MEGF11: variants seen among roughly 807,000 people sequenced by gnomAD.
The protein encoded by MEGF11 is multiple EGF like domains 11.
Under a neutral mutation model 146.6 loss-of-function variants are expected in MEGF11, and 126 were observed. That is an observed-to-expected ratio of 0.86 (90% confidence interval 0.74 to 1.00). The LOEUF (loss-of-function observed/expected upper bound fraction) is 1.00, where lower values mean the gene tolerates loss of function less well. Ranked by LOEUF, MEGF11 falls within the 50% of genes least tolerant of loss-of-function variation. The pLI is 0.00. For synonymous variants in MEGF11, 532 were observed against 583.4 expected (o/e 0.91, Z 1.27); for missense variants, 1,509 against 1,521.2 (o/e 0.99, Z 0.13).
At chr15:66,176,533 G>A (rs1023050264) in intron 1 of MEGF11, among the ~76,000 whole-genome samples, 1 of 152,158 alleles carries the variant, frequency 6.6e-6, no homozygotes, top group African/African-American at 2.4e-5. Flanking sequence ...CAGAGCCTCA[G>A]TCACACCAGT....
Position 66,014,095 on chromosome 15 carries a change from T to C in MEGF11, c.395-31607A>G, listed in dbSNP as rs192194768. ...ACAGAGGCCGTTAGAAGTTAGGCGATGGTCCAGGCACAAGCCAAGGAGACC... is the reference window on the plus strand; with the variant it reads ...ACAGAGGCCGTTAGAAGTTAGGCGACGGTCCAGGCACAAGCCAAGGAGACC... On this transcript the variant is annotated intron_variant, in intron 5 of 25. Transcript: ENST00000395614. Among the ~76,000 whole-genome samples the C allele has an allele frequency of 7.7e-3, 1,173 of 152,286 alleles. 5 individuals are homozygous for C. Among genetic ancestry groups the C allele is most frequent in the Admixed American group, 0.01 (157 of 15,300 alleles).
At chr15:65,911,865 GTT>G (rs2078822545) in intron 21 of MEGF11, among the ~76,000 whole-genome samples, 1 of 152,216 alleles carries the variant, frequency 6.6e-6, no homozygotes, top group African/African-American at 2.4e-5. Context: ...GATGCTGTGG[GTT>G]GGTTACACGG....
intron 5 of MEGF11, among the ~76,000 whole-genome samples, chr15:65,996,557 C>T (rs2082206795): frequency 6.6e-6 from 1 of 151,408 alleles, no homozygotes; most frequent in Non-Finnish European, 1.5e-5. Context: ...GCGATCTTGA[C>T]TCATTGCAAC....
chr15:66,176,539 C>T (rs1256968465), intron 1 of MEGF11, among the ~76,000 whole-genome samples: 1 of 152,182 alleles, frequency 6.6e-6, no homozygotes, highest in Non-Finnish European at 1.5e-5. Context: ...CTCAGTCACA[C>T]CAGTGACTCA....
chr15:66,235,155 G>C (rs77281054), intron 1 of MEGF11, among the ~76,000 whole-genome samples: 8 of 152,168 alleles, frequency 5.3e-5, no homozygotes, highest in Admixed American at 4.6e-4. Flanking sequence ...GGCGGGGAAG[G>C]TGCAGAGAAT....
At chr15:65,958,029 T>C (rs1427166432) in intron 9 of MEGF11, among the ~76,000 whole-genome samples, 1 of 152,174 alleles carries the variant, frequency 6.6e-6, no homozygotes, top group Non-Finnish European at 1.5e-5. Flanking sequence ...TTCAGACACA[T>C]GGAAACCAAA....
chr15:65,982,615 G>T lies in MEGF11; in HGVS notation c.395-127C>A. The T allele has an allele frequency of 8.5e-7, 1 of 1,178,982 alleles. No homozygotes were observed. The highest frequency in any genetic ancestry group is 1.1e-6 in the Non-Finnish European group (1 of 888,272). 73.0% of individuals were successfully genotyped at this position (1,178,982 alleles called of 1,614,324 possible). A position where few individuals can be genotyped will look rare whatever the true frequency, so the allele number is the denominator to read the frequency against. ...TGCTCCCCGGACAGGTGGCAGCAAG[G>T]GGTGCCTGGAAGCTTTGGTGCCTCA... On this transcript the variant is annotated intron_variant, in intron 5 of 25. Transcript: ENST00000395614. The surrounding 1 kb of genome is among the most constrained non-coding windows in gnomAD (Gnocchi z 5.6).
At chr15:66,168,840 T>C (rs906027164) in intron 1 of MEGF11, among the ~76,000 whole-genome samples, 1 of 152,064 alleles carries the variant, frequency 6.6e-6, no homozygotes, top group Non-Finnish European at 1.5e-5. Context: ...ATACAAAATT[T>C]AGCCGGGCGT....
At chr15:65,935,688 A>G (rs1408545719) in intron 10 of MEGF11, among the ~76,000 whole-genome samples, 1 of 152,210 alleles carries the variant, frequency 6.6e-6, no homozygotes, top group Admixed American at 6.5e-5. Flanking sequence ...TAAAGTGCAC[A>G]GCTCTGCCCT....
At position 65,895,412 on chromosome 15, in the gene MEGF11, C is replaced by G. The variant is rs902033560; in HGVS notation, c.*2522G>C. On this transcript the variant is annotated 3_prime_UTR_variant, in exon 26 of 26. Transcript: ENST00000395614. ...TTGCCGTTTCATAGTCTCATTAATA[C>G]CTCTGTACAATAATGGTTTTTCTTT... The G allele has an allele frequency of 2.0e-5, 3 of 152,582 alleles. No homozygotes were observed. The highest frequency in any genetic ancestry group is 7.2e-5 in the African/African-American group (3 of 41,414). 9.5% of individuals were successfully genotyped at this position (152,582 alleles called of 1,614,324 possible).
intron 1 of MEGF11, among the ~76,000 whole-genome samples, chr15:66,229,368 CAGCCGAATGG>C (rs2091918315): frequency 1.3e-5 from 2 of 152,110 alleles, no homozygotes; most frequent in Non-Finnish European, 2.9e-5. Context: ...GCACGTGTCC[CAGCCGAATGG>C]GGAGGCCACC....
At chr15:66,092,602 G>C (rs1056624742) in intron 5 of MEGF11, among the ~76,000 whole-genome samples, 1 of 152,160 alleles carries the variant, frequency 6.6e-6, no homozygotes, top group African/African-American at 2.4e-5. Flanking sequence ...GCCTAGTCCT[G>C]TTCATCAAAT....
intron 1 of MEGF11, among the ~76,000 whole-genome samples, chr15:66,178,866 A>G (rs904479398): frequency 2.0e-5 from 3 of 152,156 alleles, no homozygotes; most frequent in African/African-American, 7.2e-5. Flanking sequence ...ACATGCTTCA[A>G]CGGACTCCAA....
At chr15:66,141,283 TGTGTGTGAGA>T (rs1189679538) in intron 1 of MEGF11, among the ~76,000 whole-genome samples, 10 of 90,108 alleles carry the variant, frequency 1.1e-4, no homozygotes, top group African/African-American at 3.2e-4. Context: ...TGTGTGTGTG[TGTGTGTGAGA>T]GAGAGAGAGA....
At position 65,916,254 on chromosome 15, in the gene MEGF11, C is replaced by A; in HGVS notation, c.2238G>T (p.Gly746=). ...ACTGGCATACGCGCCCACAGTCCTT[C>A]CCAAAAAATGCTGCTGGGCAGCCTA... ...CTQRCPAAFF[G]KDCGRVCQCQ... is the part of the protein sequence containing the mutation. Residue 746 remains glycine, a synonymous_variant, in exon 18 of 26, where the codon GGG becomes GGT. Coordinates refer to ENST00000395614, the MANE Select transcript of MEGF11 (RefSeq NM_001385028.1). The A allele has an allele frequency of 1.7e-5, 27 of 1,557,320 alleles. No individual in the cohort carries two copies. The highest frequency in any genetic ancestry group is 2.3e-5 in the Non-Finnish European group (26 of 1,150,446).
chr15:66,055,148 G>GC (rs2084624773), intron 5 of MEGF11, among the ~76,000 whole-genome samples: 1 of 152,176 alleles, frequency 6.6e-6, no homozygotes. Context: ...AGTGCTCACT[G>GC]CCCTTAGACA....
intron 4 of MEGF11, among the ~76,000 whole-genome samples, chr15:66,113,204 T>C (rs1230424492): frequency 6.6e-6 from 1 of 152,038 alleles, no homozygotes; most frequent in Non-Finnish European, 1.5e-5. Flanking sequence ...TCGGACACCA[T>C]GTGCAGACCA....
intron 19 of MEGF11, among the ~76,000 whole-genome samples, chr15:65,914,403 C>T (rs1475879718): frequency 6.6e-6 from 1 of 152,186 alleles, no homozygotes; most frequent in East Asian, 1.9e-4. Context: ...CCTCTCCCTG[C>T]TTCCTAATTG....
chr15:66,063,420 C>G (rs1038880576), intron 5 of MEGF11, among the ~76,000 whole-genome samples: 4 of 152,178 alleles, frequency 2.6e-5, no homozygotes, highest in Admixed American at 2.6e-4. Flanking sequence ...AGGGGTCCCT[C>G]CCAACTAATC....
Sources: gnomAD v4.1 joint callset for allele counts (sites outside exome capture counted in the v4.1 genomes callset) on GRCh38, gnomAD v4.1.1 for gene constraint, Gnocchi (gnomAD v3.1) non-coding constraint, MANE v1.5 for transcripts, NCBI Gene and HGNC (gene_info 2026-07-23, HGNC 2026-07-21) for gene names.